ZC3H7A: variants seen among roughly 807,000 people sequenced by gnomAD.
ZC3H7A encodes the protein zinc finger CCCH domain-containing protein 7A.
In ZC3H7A, 44 loss-of-function variants were observed where a neutral mutation model predicts 125.5. The observed-to-expected ratio is 0.35, with a 90% CI of 0.28 to 0.45. The LOEUF (loss-of-function observed/expected upper bound fraction) is 0.45. ZC3H7A is among the 20% of genes least tolerant of loss of function. The pLI is 1.00. For synonymous variants in ZC3H7A, 399 were observed against 391.2 expected (o/e 1.02, Z -0.23); for missense variants, 977 against 1,170.7 (o/e 0.83, Z 2.41).
chr16:11,769,749 T>G lies in ZC3H7A; in HGVS notation c.1109-654A>C, dbSNP rs1376747860. Among the ~76,000 whole-genome samples, 658 of 122,500 alleles carry G rather than the reference T, an allele frequency of 5.4e-3. 6 individuals carry two copies. The highest frequency in any genetic ancestry group is 9.5e-3 in the Non-Finnish European group (567 of 59,620). The allele number at this position is 122,500 out of a possible 152,430, so 80.4% of individuals were successfully genotyped here. A position where few individuals can be genotyped will look rare whatever the true frequency, so the allele number is the denominator to read the frequency against. ...AAAAAAGCAGGAACTGACCATAACA[T>G]TTAAAAAAAAATCAGTAAAGTTTTC... On this transcript the variant is annotated intron_variant, in intron 10 of 22. Coordinates refer to ENST00000355758, the MANE Select transcript of ZC3H7A (RefSeq NM_014153.4).
At chr16:11,756,866 CCA>C (rs2052657798) in intron 20 of ZC3H7A, among the ~76,000 whole-genome samples, 2 of 152,156 alleles carry the variant, frequency 1.3e-5, no homozygotes, top group Non-Finnish European at 2.9e-5. Context: ...ATCAGTCAAG[CCA>C]CAGTCCCAGA....
At position 11,765,133 on chromosome 16, in the gene ZC3H7A, A is replaced by G. The variant is rs1243944127; in HGVS notation, c.1740T>C (p.Pro580=). The change falls in exon 15 of 23, where the codon CCT becomes CCC. Residue 580 remains proline, a synonymous_variant. Transcript: ENST00000355758. The surrounding 1 kb of genome is among the most constrained non-coding windows in gnomAD (Gnocchi z 4.8). ...CTTTATTTCTTTTACTTATCATTCT[A>G]GGCTTATGATCAAAACATTTCTGGA... ...FLCEKCFDHK[P]RMISKRNKDN... 8.9e-6 allele frequency: 14 copies of G among 1,571,314 alleles called. No individual in the cohort carries two copies. The highest frequency in any genetic ancestry group is 1.1e-5 in the Non-Finnish European group (13 of 1,160,056).
At chr16:11,761,764 C>A in intron 18 of ZC3H7A, 146 bp downstream of exon 18, 2 of 1,161,824 alleles carry the variant, frequency 1.7e-6, no homozygotes, top group Non-Finnish European at 2.4e-6. Flanking sequence ...TCCTAAAAAT[C>A]TCTTCCCTTG....
At chr16:11,768,531 A>C in intron 11 of ZC3H7A, 30 bp from the exon 12 acceptor site, 3 of 1,446,138 alleles carry the variant, frequency 2.1e-6, no homozygotes, top group Non-Finnish European at 2.8e-6. Context: ...AAAAAAAAAA[A>C]AAACAGCCAA....
chr16:11,784,377 G>C (rs575093922), intron 1 of ZC3H7A, among the ~76,000 whole-genome samples: 1 of 151,954 alleles, frequency 6.6e-6, no homozygotes, highest in Non-Finnish European at 1.5e-5. Context: ...AAATTTATAT[G>C]TACAAAATAA....
chr16:11,759,432 A>G (rs1161486853), intron 19 of ZC3H7A: 1 of 152,060 alleles, frequency 6.6e-6, no homozygotes, highest in Non-Finnish European at 1.5e-5. Flanking sequence ...CCCCCTTAAC[A>G]CTGTACATTT....
chr16:11,760,137 A>AAAAAAAAAAAAAAAAAAAAAAG (rs1555493879), intron 19 of ZC3H7A, among the ~76,000 whole-genome samples: 1 of 137,642 alleles, frequency 7.3e-6, no homozygotes, highest in African/African-American at 2.6e-5. Flanking sequence ...AAAAAAAAAA[A>AAAAAAAAAAAAAAAAAAAAAAG]AAAAAAAAGA....
chr16:11,754,194 AG>A (rs955745727), intron 21 of ZC3H7A, among the ~76,000 whole-genome samples: 1 of 147,844 alleles, frequency 6.8e-6, no homozygotes, highest in African/African-American at 2.5e-5. Flanking sequence ...GAGGAGGCTG[AG>A]GTCGGAGGAT....
At chr16:11,758,094 A>G (rs1004014652) in intron 20 of ZC3H7A, among the ~76,000 whole-genome samples, 4 of 152,184 alleles carry the variant, frequency 2.6e-5, no homozygotes, top group Admixed American at 6.5e-5. Flanking sequence ...ACTATTTCCA[A>G]TACGAGCAGA....
At chr16:11,758,364 T>C (rs985597522) in intron 20 of ZC3H7A, 67 bp downstream of exon 20, 2 of 1,186,530 alleles carry the variant, frequency 1.7e-6, no homozygotes, top group Non-Finnish European at 2.5e-6. Context: ...GAAGCTGGCA[T>C]ATTTATAGAG....
At position 11,767,526 on chromosome 16, in the gene ZC3H7A, C is replaced by A; in HGVS notation, c.1413G>T (p.Lys471Asn). Reference protein sequence around the residue: ...TYHANIDHKCKKDILIGRIKN... With the variant: ...TYHANIDHKCNKDILIGRIKN... ...TTATCCTACCGATTAAAATATCTTT[C>A]TTACACTTATGATCTATGTTAGCAT... The change falls in exon 13 of 23, where the codon AAG becomes AAT. Residue 471 changes from lysine to asparagine, a missense_variant. Physicochemically the swap from Lys to Asn is moderately conservative, Grantham distance 94 (BLOSUM62 0). Around this residue, in one of 3 missense-constraint regions of ZC3H7A, gnomAD observed 342 missense variants for 311.3 expected, o/e 1.10. Transcript: ENST00000355758. 2 of 1,612,076 alleles carry A rather than the reference C, an allele frequency of 1.2e-6. No homozygotes were observed. Among genetic ancestry groups the A allele is most frequent in the Non-Finnish European group, 8.5e-7 (1 of 1,179,098 alleles).
chr16:11,762,069 A>T lies in ZC3H7A; in HGVS notation c.2080-26T>A, dbSNP rs752422167. On this transcript the variant is annotated intron_variant, in intron 17 of 22. Transcript: ENST00000355758. ...CTTAAACAATTAAAAGATTCGTTTT[A>T]ATTTTTTTAACAGAAAACCAGTTTT... The T allele has an allele frequency of 1.9e-5, 30 of 1,550,982 alleles. 1 individual carries two copies. Among genetic ancestry groups the T allele is most frequent in the Admixed American group, 4.3e-5 (2 of 46,268 alleles).
intron 4 of ZC3H7A, among the ~76,000 whole-genome samples, chr16:11,778,953 C>T (rs189747127): frequency 3.3e-5 from 5 of 152,246 alleles, no homozygotes; most frequent in Admixed American, 2.0e-4. Context: ...ACCTCATGAT[C>T]CACCCACCTT....
At chr16:11,790,959 A>G (rs1178500833) in intron 1 of ZC3H7A, among the ~76,000 whole-genome samples, 1 of 151,892 alleles carries the variant, frequency 6.6e-6, no homozygotes, top group Non-Finnish European at 1.5e-5. Flanking sequence ...ATGTAGTCTC[A>G]GCTACTCAGA....
intron 20 of ZC3H7A, among the ~76,000 whole-genome samples, chr16:11,758,018 C>A (rs1419578778): frequency 6.6e-6 from 1 of 152,144 alleles, no homozygotes; most frequent in Non-Finnish European, 1.5e-5. Flanking sequence ...TGATTCTGAG[C>A]CTGTTTGATT....
At chr16:11,791,443 C>T (rs950267908) in intron 1 of ZC3H7A, among the ~76,000 whole-genome samples, 3 of 152,136 alleles carry the variant, frequency 2.0e-5, no homozygotes, top group Non-Finnish European at 4.4e-5. Flanking sequence ...AGGTACCTTC[C>T]CTTGCCACCC....
chr16:11,758,432 C>T lies in ZC3H7A; in HGVS notation c.2427G>A (p.Gly809=). 1 of 1,607,772 alleles carries T rather than the reference C, an allele frequency of 6.2e-7. No individual in the cohort carries two copies. The highest frequency in any genetic ancestry group is 1.1e-5 in the South Asian group (1 of 90,922). The part of the protein sequence containing the change: ...REVWTYMKEN[G]IQDMEQFYEL... ...GACACAGCTAAAAGATTAACTTACT[C>T]CCATTCTCCTTCATGTAAGTCCAAA... Residue 809 remains glycine, a splice_region_variant and synonymous_variant, in exon 20 of 23, where the codon GGG becomes GGA. Transcript: ENST00000355758.
At chr16:11,796,999 T>G (rs1046236237) in intron 1 of ZC3H7A, 125 bp downstream of exon 1, 1 of 137,126 alleles carries the variant, frequency 7.3e-6, no homozygotes, top group Non-Finnish European at 1.6e-5. Flanking sequence ...CCGCCGCCCC[T>G]CCCCCGCCCC....
At chr16:11,780,126 T>TC (rs2053151164) in intron 3 of ZC3H7A, among the ~76,000 whole-genome samples, 2 of 139,132 alleles carry the variant, frequency 1.4e-5, no homozygotes, top group African/African-American at 3.0e-5. Context: ...TTTTTTCTTT[T>TC]CTTTTTTTTT....
Sources: gnomAD v4.1 joint callset for allele counts (sites outside exome capture counted in the v4.1 genomes callset) on GRCh38, gnomAD v4.1.1 for gene constraint, gnomAD v4.1.1 regional missense constraint, Gnocchi (gnomAD v3.1) non-coding constraint, MANE v1.5 for transcripts, NCBI Gene and HGNC (gene_info 2026-07-23, HGNC 2026-07-21) for gene names.